Variants in SLC2A13 observed in about 807,000 individuals in gnomAD.
The protein encoded by SLC2A13 is proton myo-inositol cotransporter.
In SLC2A13, 32 loss-of-function variants were observed where a neutral mutation model predicts 64.4. The ratio of observed to expected loss-of-function variants is 0.50; its 90% confidence interval spans 0.37 to 0.67. The LOEUF (loss-of-function observed/expected upper bound fraction) is 0.67, where lower values mean the gene tolerates loss of function less well. Among genes scored for constraint, SLC2A13 ranks in the 30% least tolerant of loss-of-function variants. SLC2A13 has a pLI of 0.00. For missense variants in SLC2A13, 743 were observed against 829.2 expected, an observed-to-expected ratio of 0.90 and a Z score of 1.28; for synonymous variants, 338 against 327.1, an observed-to-expected ratio of 1.03 and a Z score of -0.36.
chr12:39,826,827 CCTTTATTT>C (rs1437551154), intron 7 of SLC2A13, among the ~76,000 whole-genome samples: 1 of 102,546 alleles, frequency 9.8e-6, no homozygotes, highest in Non-Finnish European at 2.0e-5. Context: ...TACACTATTT[CCTTTATTT>C]CTTTTAAAGT....
At position 39,758,470 on chromosome 12, in the gene SLC2A13, A is replaced by G. The variant is rs1398766826; in HGVS notation, c.*1556T>C. 6.6e-6 allele frequency: 1 copy of G among 151,994 alleles called. No homozygotes were observed. The highest frequency in any genetic ancestry group is 1.5e-5 in the Non-Finnish European group (1 of 67,810). The allele number at this position is 151,994 out of a possible 1,614,324, so 9.4% of individuals were successfully genotyped here. ...GATGTTTAGAGCCATTTAAAAATGC[A>G]TCAAACTGATGTATTCCTAACTGGC... On this transcript the variant is annotated 3_prime_UTR_variant, in exon 10 of 10. Transcript: ENST00000280871.
chr12:39,788,947 C>CTG (rs913536772), intron 7 of SLC2A13, among the ~76,000 whole-genome samples: 1 of 151,984 alleles, frequency 6.6e-6, no homozygotes, highest in East Asian at 1.9e-4. Context: ...TAAAAATCTA[C>CTG]TGTGTGTGTG....
intron 7 of SLC2A13, among the ~76,000 whole-genome samples, chr12:39,801,242 A>G (rs936120920): frequency 8.3e-5 from 5 of 60,606 alleles, no homozygotes; most frequent in African/African-American, 2.0e-4. Context: ...AACTTAGAGT[A>G]TAATTAAAAA....
intron 6 of SLC2A13, among the ~76,000 whole-genome samples, chr12:39,863,659 C>G (rs1245729206): frequency 6.6e-6 from 1 of 152,004 alleles, no homozygotes; most frequent in Non-Finnish European, 1.5e-5. Flanking sequence ...ATGAAGACAC[C>G]CTTAAGTCTT....
At position 39,830,053 on chromosome 12, in the gene SLC2A13, C is replaced by T. The variant is rs577334565; in HGVS notation, c.1445+50G>A. The stretch of plus-strand genomic sequence containing the variant: ...GCACTCTGAAAACTTAAACATAAGC[C>T]TCGTTTTGAAATATTATTATATATT... On this transcript the variant is annotated intron_variant, in intron 7 of 9. Transcript: ENST00000280871. The T allele has an allele frequency of 6.8e-6, 11 of 1,610,088 alleles. No individual in the cohort carries two copies. In the African/African-American group the frequency reaches 1.3e-4, roughly 20 times the overall value.
intron 7 of SLC2A13, chr12:39,802,475 G>A (rs1026297076): frequency 1.7e-4 from 26 of 152,156 alleles, no homozygotes; most frequent in Admixed American, 6.5e-5. Context: ...AAATAGGCAA[G>A]GGCCACTTCA....
intron 1 of SLC2A13, among the ~76,000 whole-genome samples, chr12:40,067,882 T>C (rs1376525152): frequency 6.6e-6 from 1 of 152,170 alleles, no homozygotes; most frequent in African/African-American, 2.4e-5. Context: ...CATAGACAGA[T>C]TGCTTCCGGT....
chr12:40,100,969 C>CTA (rs34058142), intron 1 of SLC2A13, among the ~76,000 whole-genome samples: 7 of 84,704 alleles, frequency 8.3e-5, no homozygotes, highest in Admixed American at 6.6e-4. Flanking sequence ...CCATCTCAGA[C>CTA]AAAAAAAAAA....
intron 7 of SLC2A13, among the ~76,000 whole-genome samples, chr12:39,807,391 A>G (rs1433861508): frequency 2.0e-5 from 3 of 152,180 alleles, no homozygotes; most frequent in East Asian, 1.9e-4. Context: ...AACAATATCA[A>G]TCTCCTGGGT....
chr12:40,064,184 G>A (rs1948472207), intron 1 of SLC2A13, among the ~76,000 whole-genome samples: 1 of 152,074 alleles, frequency 6.6e-6, no homozygotes, highest in Non-Finnish European at 1.5e-5. Flanking sequence ...GTTCAAGGCT[G>A]CAGTGAGCTA....
chr12:39,989,020 G>A lies in SLC2A13; in HGVS notation c.926-37655C>T, dbSNP rs187589335. Reference sequence around the variant, plus strand: ...AGATTCCACCATTGTCTCACTCCATGTACTCTGAGCGCAGGAGCCAGATGA... The same window carrying A: ...AGATTCCACCATTGTCTCACTCCATATACTCTGAGCGCAGGAGCCAGATGA... On this transcript the variant is annotated intron_variant, in intron 3 of 9. Transcript: ENST00000280871. Among the ~76,000 whole-genome samples the A allele has an allele frequency of 3.3e-5, 5 of 152,242 alleles. No individual in the cohort carries two copies. In the East Asian group the frequency reaches 9.6e-4, roughly 29 times the overall value.
chr12:40,055,122 G>C (rs989221858), intron 1 of SLC2A13, among the ~76,000 whole-genome samples: 21 of 152,110 alleles, frequency 1.4e-4, no homozygotes, highest in Admixed American at 1.1e-3. Context: ...ATGGTTACCA[G>C]GTTGTTAACA....
At chr12:39,895,901 C>T (rs62647584) in intron 4 of SLC2A13, among the ~76,000 whole-genome samples, 34,212 of 41,540 alleles carry the variant, frequency 0.82, 14,735 homozygotes, top group East Asian at 0.9. Flanking sequence ...TATGCACACA[C>T]ATATGTATAT....
intron 1 of SLC2A13, among the ~76,000 whole-genome samples, chr12:40,099,069 C>T (rs1278423110): frequency 1.3e-5 from 2 of 152,232 alleles, no homozygotes; most frequent in Non-Finnish European, 2.9e-5. Context: ...CAAATGGTGG[C>T]CTTTAATAAA....
chr12:39,877,746 C>T (rs1944226261), intron 4 of SLC2A13, among the ~76,000 whole-genome samples: 1 of 152,198 alleles, frequency 6.6e-6, no homozygotes, highest in Non-Finnish European at 1.5e-5. Context: ...TGGGTTACCA[C>T]TATATTTACA....
rs1941324401 is a variant in SLC2A13, at chr12:39,789,973, T to A, written c.1446-25115A>T. The stretch of plus-strand genomic sequence containing the variant: ...ACAACATGAGCCACAAATATAATTT[T>A]AAATTTTCTAGTAGCCACATTCAAA... On this transcript the variant is annotated intron_variant, in intron 7 of 9. Transcript: ENST00000280871. Among the ~76,000 whole-genome samples, 3 of 152,150 alleles carry A rather than the reference T, an allele frequency of 2.0e-5. No individual in the cohort carries two copies. In the South Asian group the frequency reaches 6.2e-4, roughly 32 times the overall value.
intron 7 of SLC2A13, among the ~76,000 whole-genome samples, chr12:39,780,632 G>C (rs991608474): frequency 5.9e-5 from 9 of 152,178 alleles, no homozygotes; most frequent in Non-Finnish European, 1.3e-4. Context: ...GGATGAGCTA[G>C]AAGTTAAAAT....
intron 5 of SLC2A13, among the ~76,000 whole-genome samples, chr12:39,868,662 A>G (rs1347488443): frequency 6.6e-6 from 1 of 152,208 alleles, no homozygotes; most frequent in Non-Finnish European, 1.5e-5. Flanking sequence ...GAAAAACACA[A>G]TCTTTCTGGC....
intron 4 of SLC2A13, 132 bp downstream of exon 4, chr12:39,951,125 C>T: frequency 1.5e-6 from 1 of 687,938 alleles, no homozygotes; most frequent in Non-Finnish European, 2.3e-6. Flanking sequence ...CAGTATCTCC[C>T]AAAAGGAGAA....
Sources: gnomAD v4.1 joint callset for allele counts (sites outside exome capture counted in the v4.1 genomes callset) on GRCh38, gnomAD v4.1.1 for gene constraint, MANE v1.5 for transcripts, NCBI Gene and HGNC (gene_info 2026-07-23, HGNC 2026-07-21) for gene names.